Variants in TSPAN5 observed in about 807,000 individuals in gnomAD.
TSPAN5 encodes the protein tetraspanin-5.
TSPAN5 carries 10 observed loss-of-function variants against 37.1 expected under a neutral mutation model. The observed-to-expected ratio is 0.27, with a 90% CI of 0.17 to 0.46. The LOEUF is 0.46. Ranked by LOEUF, TSPAN5 falls within the 20% of genes least tolerant of loss-of-function variation. TSPAN5 has a pLI of 1.00. For synonymous variants in TSPAN5, 110 were observed against 118.9 expected (o/e 0.93, Z 0.48); for missense variants, 195 against 326.6 (o/e 0.60, Z 3.11).
At chr4:98,571,561 T>C (rs1284312378) in intron 1 of TSPAN5, among the ~76,000 whole-genome samples, 4 of 148,582 alleles carry the variant, frequency 2.7e-5, no homozygotes, top group Non-Finnish European at 5.9e-5. Flanking sequence ...CTGGGTGAGG[T>C]AAGTAAAAAA....
At chr4:98,524,925 A>C (rs558172583) in intron 1 of TSPAN5, among the ~76,000 whole-genome samples, 1 of 152,034 alleles carries the variant, frequency 6.6e-6, no homozygotes, top group Non-Finnish European at 1.5e-5. Context: ...TTTATCTATA[A>C]TTTCCTAGAT....
chr4:98,602,747 A>G (rs777405357), intron 1 of TSPAN5, among the ~76,000 whole-genome samples: 1 of 152,228 alleles, frequency 6.6e-6, no homozygotes, highest in African/African-American at 2.4e-5. Context: ...GATTAAATAG[A>G]CATTTATGCA....
At chr4:98,580,499 G>A (rs1382836409) in intron 1 of TSPAN5, among the ~76,000 whole-genome samples, 1 of 152,314 alleles carries the variant, frequency 6.6e-6, no homozygotes, top group Non-Finnish European at 1.5e-5. Context: ...TTCCTTCACA[G>A]GGAGGTGGGT....
At chr4:98,577,941 C>T (rs1755282445) in intron 1 of TSPAN5, among the ~76,000 whole-genome samples, 1 of 152,216 alleles carries the variant, frequency 6.6e-6, no homozygotes, top group Admixed American at 6.5e-5. Flanking sequence ...AGAGATCTGT[C>T]TACCAATTCA....
At chr4:98,577,691 A>C (rs1464888852) in intron 1 of TSPAN5, among the ~76,000 whole-genome samples, 1 of 152,224 alleles carries the variant, frequency 6.6e-6, no homozygotes, top group Non-Finnish European at 1.5e-5. Flanking sequence ...GCAATGTCAC[A>C]TGGCCTTTAG....
chr4:98,470,412 T>A lies in TSPAN5; in HGVS notation c.*2110A>T, dbSNP rs1752555524. ...TAATGACAGCCTTTATTACAATCAC[T>A]CTCAAGTGTAAAAAATAAAGGGTGA... On this transcript the variant is annotated 3_prime_UTR_variant, in exon 8 of 8. Transcript: ENST00000305798. 1 of 152,206 alleles carries A rather than the reference T, an allele frequency of 6.6e-6. No homozygotes were observed. The highest frequency in any genetic ancestry group is 6.5e-5 in the Admixed American group (1 of 15,286). The allele number at this position is 152,206 out of a possible 1,614,324, so 9.4% of individuals were successfully genotyped here.
intron 1 of TSPAN5, among the ~76,000 whole-genome samples, chr4:98,568,040 T>C (rs1398881192): frequency 6.6e-6 from 1 of 151,986 alleles, no homozygotes; most frequent in African/African-American, 2.4e-5. Context: ...CAATATATGA[T>C]AGCTTAAAAA....
intron 1 of TSPAN5, among the ~76,000 whole-genome samples, chr4:98,587,664 C>T (rs1755523033): frequency 6.6e-6 from 1 of 152,058 alleles, no homozygotes; most frequent in African/African-American, 2.4e-5. Flanking sequence ...CTGAGGCGGG[C>T]AGATCACGAG....
chr4:98,628,753 A>T (rs1756666442), intron 1 of TSPAN5, among the ~76,000 whole-genome samples: 1 of 152,174 alleles, frequency 6.6e-6, no homozygotes, highest in Non-Finnish European at 1.5e-5. Context: ...AGCTTTTAAA[A>T]CAACTAAAAC....
intron 1 of TSPAN5, among the ~76,000 whole-genome samples, chr4:98,622,560 A>G (rs1756503976): frequency 6.6e-6 from 1 of 152,216 alleles, no homozygotes; most frequent in Non-Finnish European, 1.5e-5. Context: ...GGAGGGCTTC[A>G]AGCAAATGAG....
intron 5 of TSPAN5, 52 bp downstream of exon 5, chr4:98,478,633 A>C (rs1385575063): frequency 3.7e-6 from 6 of 1,610,194 alleles, no homozygotes; most frequent in Non-Finnish European, 5.1e-6. Context: ...TCCCATGCAC[A>C]CTCTCGGCAT....
intron 1 of TSPAN5, 58 bp downstream of exon 1, chr4:98,658,088 A>G: frequency 2.0e-6 from 3 of 1,470,504 alleles, no homozygotes; most frequent in Middle Eastern, 1.7e-4. Flanking sequence ...AACGTGGGGG[A>G]AATCGTCGCG....
intron 1 of TSPAN5, among the ~76,000 whole-genome samples, chr4:98,590,381 G>C (rs1423182249): frequency 6.6e-6 from 1 of 152,042 alleles, no homozygotes; most frequent in African/African-American, 2.4e-5. Flanking sequence ...CTGTAAAGTG[G>C]ATATTCCCAT....
chr4:98,600,139 C>A (rs1272600342), intron 1 of TSPAN5, among the ~76,000 whole-genome samples: 7 of 152,078 alleles, frequency 4.6e-5, no homozygotes, highest in Admixed American at 2.0e-4. Context: ...AATGTACATA[C>A]CTTAATTTAA....
At chr4:98,510,279 C>T (rs1753575451) in intron 1 of TSPAN5, among the ~76,000 whole-genome samples, 2 of 152,210 alleles carry the variant, frequency 1.3e-5, no homozygotes, top group African/African-American at 2.4e-5. Flanking sequence ...ATGTTCTTAG[C>T]AGTCCTGATA....
At chr4:98,607,980 G>A (rs1320305937) in intron 1 of TSPAN5, among the ~76,000 whole-genome samples, 1 of 151,932 alleles carries the variant, frequency 6.6e-6, no homozygotes, top group Non-Finnish European at 1.5e-5. Context: ...CAAAGTGCTG[G>A]GATTACAGGC....
intron 3 of TSPAN5, among the ~76,000 whole-genome samples, chr4:98,485,761 GCTTT>G (rs1215939557): frequency 1.6e-5 from 2 of 121,218 alleles, no homozygotes; most frequent in Non-Finnish European, 3.3e-5. Context: ...TCTTGGATAT[GCTTT>G]TTTTTTTTTT....
At chr4:98,495,488 C>A (rs564850323) in intron 2 of TSPAN5, among the ~76,000 whole-genome samples, 1 of 145,260 alleles carries the variant, frequency 6.9e-6, no homozygotes, top group African/African-American at 2.6e-5. Context: ...GCTGAGACTG[C>A]GAAACTGCAC....
At chr4:98,631,226 C>G (rs1343815308) in intron 1 of TSPAN5, among the ~76,000 whole-genome samples, 1 of 152,176 alleles carries the variant, frequency 6.6e-6, no homozygotes, top group East Asian at 1.9e-4. Flanking sequence ...TTCTAATGCT[C>G]TGGTAGCTCT....
Sources: allele counts gnomAD v4.1 joint callset (sites outside exome capture counted in the v4.1 genomes callset), GRCh38; gene constraint gnomAD v4.1.1; transcripts MANE v1.5; gene names NCBI Gene and HGNC (gene_info 2026-07-23, HGNC 2026-07-21).